Variants in TMEM150A observed in about 807,000 individuals in gnomAD.
TMEM150A encodes transmembrane protein 150A.
TMEM150A carries 18 observed loss-of-function variants against 29.8 expected under a neutral mutation model. The ratio of observed to expected loss-of-function variants is 0.60; its 90% CI spans 0.42 to 0.90. TMEM150A has a LOEUF of 0.90. TMEM150A is among the 40% of genes least tolerant of loss of function. The probability of loss-of-function intolerance (pLI) is 0.00; values close to 1 mark genes in which losing one functional copy is unlikely to be tolerated. For missense variants in TMEM150A, 251 were observed against 349.7 expected, an observed-to-expected ratio of 0.72 and a Z score of 2.25; for synonymous variants, 127 against 143.6, an observed-to-expected ratio of 0.88 and a Z score of 0.83.
chr2:85,601,798 G>A lies in TMEM150A; in HGVS notation c.65+86C>T, dbSNP rs1672981004. 6 of 1,490,324 alleles carry A rather than the reference G, an allele frequency of 4.0e-6. No homozygotes were observed. The Admixed American group carries it at 5.2e-5, about 13-fold the overall frequency. The allele number at this position is 1,490,324 out of a possible 1,614,324, so 92.3% of individuals were successfully genotyped here. ...CTTTTGAGACACCCAGAGTGACCCT[G>A]GGTACCACCGTGGCTATGACAGGAC... On this transcript the variant is annotated intron_variant, in intron 2 of 7. Coordinates refer to ENST00000334462, the MANE Select transcript of TMEM150A (RefSeq NM_001031738.3). This position sits in a 1 kb window ranked among gnomAD's most constrained non-coding sequence, Gnocchi z 4.0.
chr2:85,598,847 A>T lies in TMEM150A; in HGVS notation c.*229T>A. On this transcript the variant is annotated 3_prime_UTR_variant, in exon 8 of 8. Transcript: ENST00000334462. ...GGGTGAGTGAGGACAGGTGACCTTTAAAAACAAAACGACACCGTGGGGTGG... is the reference window on the plus strand; with the variant it reads ...GGGTGAGTGAGGACAGGTGACCTTTTAAAACAAAACGACACCGTGGGGTGG... 1.7e-6 allele frequency: 1 copy of T among 605,268 alleles called. No homozygotes were observed. The highest frequency in any genetic ancestry group is 2.8e-6 in the Non-Finnish European group (1 of 359,920). The allele number at this position is 605,268 out of a possible 1,614,324, so 37.5% of individuals were successfully genotyped here. A position where few individuals can be genotyped will look rare whatever the true frequency, so the allele number is the denominator to read the frequency against.
intron 4 of TMEM150A, 51 bp from the exon 5 acceptor site, chr2:85,600,463 G>C (rs767766995): frequency 6.7e-7 from 1 of 1,498,990 alleles, no homozygotes; most frequent in Non-Finnish European, 9.3e-7. Flanking sequence ...GGCCCGGGGG[G>C]CCCCCATTTT....
At position 85,601,065 on chromosome 2, in the gene TMEM150A, C is replaced by A. The variant is rs996749514; in HGVS notation, c.156G>T (p.Gly52=). 6.2e-7 allele frequency: 1 copy of A among 1,612,640 alleles called. No individual in the cohort carries two copies. Among genetic ancestry groups the A allele is most frequent in the Non-Finnish European group, 8.5e-7 (1 of 1,179,542 alleles). ...ESCPPDPAEQ[G]GPKTCCTLDD... ...CCAGGGTGCAGCAGGTCTTGGGACC[C>A]CCTTGCTCAGCAGGGTCAGGAGGGC... is the stretch of plus-strand genomic sequence containing the variant. Residue 52 remains glycine (G), a synonymous_variant, in exon 4 of 8, where the codon GGG becomes GGT. Transcript: ENST00000334462. This position sits in a 1 kb window ranked among gnomAD's most constrained non-coding sequence, Gnocchi z 4.0.
At position 85,599,355 on chromosome 2, in the gene TMEM150A, G is replaced by A. The variant is rs758316434; in HGVS notation, c.575-38C>T. ...TAAGGAAATGTTCAGTAGGACATAC[G>A]GAAACCTGGCAACACCCCTTCTGCA... On this transcript the variant is annotated intron_variant, in intron 7 of 7. Coordinates refer to ENST00000334462, the MANE Select transcript of TMEM150A (RefSeq NM_001031738.3). The surrounding 1 kb of genome is among the most constrained non-coding windows in gnomAD (Gnocchi z 6.0). 10 of 1,609,272 alleles carry A rather than the reference G, an allele frequency of 6.2e-6. No individual in the cohort carries two copies. Among genetic ancestry groups the A allele is most frequent in the East Asian group, 2.2e-5 (1 of 44,768 alleles).
rs761526760 is a variant in TMEM150A, at chr2:85,599,882, G to C, written c.396+9C>G. 6 of 1,613,192 alleles carry C rather than the reference G, an allele frequency of 3.7e-6. No homozygotes were observed. The Admixed American group carries it at 1.0e-4, about 27-fold the overall frequency. On this transcript the variant is annotated intron_variant, in intron 6 of 7. Coordinates refer to ENST00000334462, the MANE Select transcript of TMEM150A (RefSeq NM_001031738.3). The surrounding 1 kb of genome is among the most constrained non-coding windows in gnomAD (Gnocchi z 6.0). ...AAGTTTAAGGTTTGCAGGGGAGAAGGGGAAGCACCTGAAAGTTGCCAACCA... is the reference window on the plus strand; with the variant it reads ...AAGTTTAAGGTTTGCAGGGGAGAAGCGGAAGCACCTGAAAGTTGCCAACCA...
Position 85,599,187 on chromosome 2 carries a change from G to C in TMEM150A, c.705C>G (p.Asp235Glu). ...TAGGCTGCAGTGCAGCCACCAGTGT[G>C]TCTGAGGAGACTGCCCCAAACTCGT... ...FSYEFGAVSS[D>E]TLVAALQPTP... The change falls in exon 8 of 8, where the codon GAC becomes GAG. Residue 235 changes from aspartate to glutamate, a missense_variant. Coordinates refer to ENST00000334462, the MANE Select transcript of TMEM150A (RefSeq NM_001031738.3). This position sits in a 1 kb window ranked among gnomAD's most constrained non-coding sequence, Gnocchi z 6.0. 1.9e-6 allele frequency: 3 copies of C among 1,613,924 alleles called. No homozygotes were observed. Among genetic ancestry groups the C allele is most frequent in the Non-Finnish European group, 2.5e-6 (3 of 1,180,022 alleles).
Position 85,600,423 on chromosome 2 carries a change from G to A in TMEM150A, c.201-11C>T, listed in dbSNP as rs757941797. 5.6e-6 allele frequency: 9 copies of A among 1,613,856 alleles called. No homozygotes were observed. Among genetic ancestry groups the A allele is most frequent in the Non-Finnish European group, 7.6e-6 (9 of 1,179,914 alleles). On this transcript the variant is annotated splice_polypyrimidine_tract_variant and intron_variant, in intron 4 of 7. Coordinates refer to ENST00000334462, the MANE Select transcript of TMEM150A (RefSeq NM_001031738.3). ...TAGGAGCCACACTTGCTGCGAGGAGGGGGAAGGACAGAGTAAGAGGGGTGC... is the reference window on the plus strand; with the variant it reads ...TAGGAGCCACACTTGCTGCGAGGAGAGGGAAGGACAGAGTAAGAGGGGTGC...
At chr2:85,600,784 T>C in intron 4 of TMEM150A, 1 of 556,116 alleles carries the variant, frequency 1.8e-6, no homozygotes, top group South Asian at 2.3e-5. Flanking sequence ...CTGAGCCTGT[T>C]TCCTCACCTA....
Position 85,601,775 on chromosome 2 carries a change from T to G in TMEM150A, c.65+109A>C. The G allele has an allele frequency of 7.5e-7, 1 of 1,326,788 alleles. No homozygotes were observed. The highest frequency in any genetic ancestry group is 1.1e-6 in the Non-Finnish European group (1 of 939,228). 82.2% of individuals were successfully genotyped at this position (1,326,788 alleles called of 1,614,324 possible). On this transcript the variant is annotated intron_variant, in intron 2 of 7. Coordinates refer to ENST00000334462, the MANE Select transcript of TMEM150A (RefSeq NM_001031738.3). This position sits in a 1 kb window ranked among gnomAD's most constrained non-coding sequence, Gnocchi z 4.0. ...GTGTGCCCAGGCACCAAGTCAGGCTTTTGAGACACCCAGAGTGACCCTGGG... is the reference window on the plus strand; with the variant it reads ...GTGTGCCCAGGCACCAAGTCAGGCTGTTGAGACACCCAGAGTGACCCTGGG...
At position 85,599,365 on chromosome 2, in the gene TMEM150A, C is replaced by T. The variant is rs780188153; in HGVS notation, c.575-48G>A. On this transcript the variant is annotated intron_variant, in intron 7 of 7. Transcript: ENST00000334462. This position sits in a 1 kb window ranked among gnomAD's most constrained non-coding sequence, Gnocchi z 6.0. ...TTCAGTAGGACATACGGAAACCTGG[C>T]AACACCCCTTCTGCAGTCTCAGGCC... The T allele has an allele frequency of 3.1e-6, 5 of 1,606,238 alleles. No individual in the cohort carries two copies. In the African/African-American group the frequency reaches 5.3e-5, roughly 17 times the overall value.
At position 85,601,225 on chromosome 2, in the gene TMEM150A, C is replaced by A; in HGVS notation, c.114-118G>T. Reference sequence around the variant, plus strand: ...ACCTCCCCTACAGGGACAGAAGATCCCACTCCCCAGTGCCCGCCTGAAGCA... The same window carrying A: ...ACCTCCCCTACAGGGACAGAAGATCACACTCCCCAGTGCCCGCCTGAAGCA... On this transcript the variant is annotated intron_variant, in intron 3 of 7. Transcript: ENST00000334462. The surrounding 1 kb of genome is among the most constrained non-coding windows in gnomAD (Gnocchi z 4.0). 2 of 1,241,856 alleles carry A rather than the reference C, an allele frequency of 1.6e-6. No homozygotes were observed. Among genetic ancestry groups the A allele is most frequent in the South Asian group, 2.5e-5 (2 of 80,196 alleles). 76.9% of individuals were successfully genotyped at this position (1,241,856 alleles called of 1,614,324 possible).
rs1041718922 is a variant in TMEM150A, at chr2:85,602,535, C to T, written c.-117+72G>A. The T allele has an allele frequency of 1.3e-5, 2 of 151,980 alleles. No individual in the cohort carries two copies. The highest frequency in any genetic ancestry group is 4.8e-5 in the African/African-American group (2 of 41,390). 9.4% of individuals were successfully genotyped at this position (151,980 alleles called of 1,614,324 possible). A position where few individuals can be genotyped will look rare whatever the true frequency, so the allele number is the denominator to read the frequency against. ...CCGGACCCTGCGGCCGGCGACCCCC[C>T]AGGACCCGGGACGCGAGAGTCCCCA... On this transcript the variant is annotated intron_variant, in intron 1 of 7. Transcript: ENST00000334462. This position sits in a 1 kb window ranked among gnomAD's most constrained non-coding sequence, Gnocchi z 5.6.
rs777278435 is a variant in TMEM150A at position 85,601,026 on chromosome 2, G to A, written c.195C>T (p.Leu65=). 1.9e-6 allele frequency: 3 copies of A among 1,612,600 alleles called. No individual in the cohort carries two copies. Among genetic ancestry groups the A allele is most frequent in the East Asian group, 4.5e-5 (2 of 44,882 alleles). ...KTCCTLDDVP[L]ISKCGSYPPE... ...GCCCAATGTCCAGGCCTTACCTGATGAGGGGGACATCGTCCAGGGTGCAGC... is the reference window on the plus strand; with the variant it reads ...GCCCAATGTCCAGGCCTTACCTGATAAGGGGGACATCGTCCAGGGTGCAGC... Residue 65 remains leucine (L), a synonymous_variant, in exon 4 of 8, where the codon CTC becomes CTT. Coordinates refer to ENST00000334462, the MANE Select transcript of TMEM150A (RefSeq NM_001031738.3). This position sits in a 1 kb window ranked among gnomAD's most constrained non-coding sequence, Gnocchi z 4.0.
Position 85,599,031 on chromosome 2 carries a change from G to T in TMEM150A, c.*45C>A. On this transcript the variant is annotated 3_prime_UTR_variant, in exon 8 of 8. Transcript: ENST00000334462. The surrounding 1 kb of genome is among the most constrained non-coding windows in gnomAD (Gnocchi z 6.0). ...TACGAAATAAATGGAAAGAAGATAT[G>T]GGGTGGGGTGCTGTGGAGGCCGGGC... The T allele has an allele frequency of 6.3e-7, 1 of 1,590,276 alleles. No individual in the cohort carries two copies. The highest frequency in any genetic ancestry group is 8.6e-7 in the Non-Finnish European group (1 of 1,164,628).
rs761648682 is a variant in TMEM150A at position 85,599,127 on chromosome 2, G to A, written c.765C>T (p.Ser255=). 1.2e-6 allele frequency: 2 copies of A among 1,613,864 alleles called. No individual in the cohort carries two copies. The highest frequency in any genetic ancestry group is 1.7e-6 in the Non-Finnish European group (2 of 1,180,032). Residue 255 remains serine, a synonymous_variant, in exon 8 of 8, where the codon AGC becomes AGT. Transcript: ENST00000334462. This position sits in a 1 kb window ranked among gnomAD's most constrained non-coding sequence, Gnocchi z 6.0. ...CACAGTTGAGGTGGGTGGAGGTGCT[G>A]CTGCTCCCGGAGGACTTGCAGGCCC... The part of the protein sequence containing the change: ...PGRACKSSGS[S]STSTHLNCAP...
chr2:85,601,526 A>T lies in TMEM150A; in HGVS notation c.66-44T>A. 1 of 1,599,172 alleles carries T rather than the reference A, an allele frequency of 6.3e-7. No homozygotes were observed. Among genetic ancestry groups the T allele is most frequent in the Non-Finnish European group, 8.5e-7 (1 of 1,172,066 alleles). ...CACCCTGGCAGCCTTCCCGAGCCCC[A>T]CTCAACCCACCCCATGACCCTTCTC... On this transcript the variant is annotated intron_variant, in intron 2 of 7. Transcript: ENST00000334462. This position sits in a 1 kb window ranked among gnomAD's most constrained non-coding sequence, Gnocchi z 4.0.
intron 5 of TMEM150A, 35 bp downstream of exon 5, chr2:85,600,310 G>A (rs372690345): frequency 1.5e-5 from 24 of 1,610,996 alleles, no homozygotes; most frequent in Non-Finnish European, 2.0e-5. Context: ...TCACTGGGCT[G>A]GGCACGCAGG....
chr2:85,601,231 C>T lies in TMEM150A; in HGVS notation c.114-124G>A. On this transcript the variant is annotated intron_variant, in intron 3 of 7. Transcript: ENST00000334462. This position sits in a 1 kb window ranked among gnomAD's most constrained non-coding sequence, Gnocchi z 4.0. Reference sequence around the variant, plus strand: ...CCTACAGGGACAGAAGATCCCACTCCCCAGTGCCCGCCTGAAGCAGTAACC... The same window carrying T: ...CCTACAGGGACAGAAGATCCCACTCTCCAGTGCCCGCCTGAAGCAGTAACC... 3.3e-6 allele frequency: 4 copies of T among 1,209,358 alleles called. No individual in the cohort carries two copies. In the South Asian group the frequency reaches 3.8e-5, roughly 11 times the overall value. The allele number at this position is 1,209,358 out of a possible 1,614,324, so 74.9% of individuals were successfully genotyped here.
At position 85,601,123 on chromosome 2, in the gene TMEM150A, G is replaced by A. The variant is rs201701425; in HGVS notation, c.114-16C>T. On this transcript the variant is annotated splice_polypyrimidine_tract_variant and intron_variant, in intron 3 of 7. Coordinates refer to ENST00000334462, the MANE Select transcript of TMEM150A (RefSeq NM_001031738.3). The surrounding 1 kb of genome is among the most constrained non-coding windows in gnomAD (Gnocchi z 4.0). ...GTTGTAGGACCTGGCAGGCAGGACAGGGAGTAGACTGGGGGAAGGGACTGC... is the reference window on the plus strand; with the variant it reads ...GTTGTAGGACCTGGCAGGCAGGACAAGGAGTAGACTGGGGGAAGGGACTGC... The A allele has an allele frequency of 6.5e-5, 105 of 1,611,456 alleles. No homozygotes were observed. Among genetic ancestry groups the A allele is most frequent in the Admixed American group, 1.0e-4 (6 of 59,472 alleles).
Sources: allele counts gnomAD v4.1 joint callset, GRCh38; gene constraint gnomAD v4.1.1; non-coding constraint Gnocchi (gnomAD v3.1); transcripts MANE v1.5; gene names NCBI Gene and HGNC (gene_info 2026-07-23, HGNC 2026-07-21).